LIN7A: variants seen among roughly 807,000 people sequenced by gnomAD.
LIN7A encodes the protein lin-7 cell polarity scaffold A.
Under a neutral mutation model 29.8 loss-of-function variants are expected in LIN7A, and 25 were observed. The ratio of observed to expected loss-of-function variants is 0.84; its 90% CI spans 0.61 to 1.17. The LOEUF (loss-of-function observed/expected upper bound fraction) is 1.17, where lower values mean the gene tolerates loss of function less well. Ranked by LOEUF, LIN7A falls within the 50% of genes most tolerant of loss-of-function variation. The pLI is 0.00. For synonymous variants in LIN7A, 118 were observed against 107.5 expected (o/e 1.10, Z -0.60); for missense variants, 239 against 287.0 (o/e 0.83, Z 1.21).
At chr12:80,822,819 G>T in intron 4 of LIN7A, among the ~76,000 whole-genome samples, 1 of 152,088 alleles carries the variant, frequency 6.6e-6, no homozygotes, top group South Asian at 2.1e-4. Flanking sequence ...ATGGTGGCAG[G>T]AGGCAGGCAG....
chr12:80,929,581 T>G (rs1457095235), intron 1 of LIN7A, among the ~76,000 whole-genome samples: 1 of 152,172 alleles, frequency 6.6e-6, no homozygotes, highest in Non-Finnish European at 1.5e-5. Flanking sequence ...CTGTGAGAGT[T>G]GTGGGGTCAT....
chr12:80,896,906 G>A (rs78541501), intron 1 of LIN7A, among the ~76,000 whole-genome samples: 1 of 152,156 alleles, frequency 6.6e-6, no homozygotes, highest in African/African-American at 2.4e-5. Flanking sequence ...ATTCTCTGGA[G>A]GTACTTATTT....
rs1870442862 is a variant in LIN7A, at chr12:80,796,226, G to C, written c.*1501C>G. 1 of 152,164 alleles carries C rather than the reference G, an allele frequency of 6.6e-6. No individual in the cohort carries two copies. The highest frequency in any genetic ancestry group is 6.5e-5 in the Admixed American group (1 of 15,272). The allele number at this position is 152,164 out of a possible 1,614,324, so 9.4% of individuals were successfully genotyped here. On this transcript the variant is annotated 3_prime_UTR_variant, in exon 6 of 6. Transcript: ENST00000552864. ...TCTTGGGGAATCAATTTCTGTATTT[G>C]AGAAAAGGGAACATTCAAATATTTG... is the stretch of plus-strand genomic sequence containing the variant.
At chr12:80,804,225 C>A (rs1400174404) in intron 5 of LIN7A, among the ~76,000 whole-genome samples, 2 of 152,032 alleles carry the variant, frequency 1.3e-5, no homozygotes, top group African/African-American at 4.8e-5. Flanking sequence ...TACAAACAAT[C>A]CAGTTGTACT....
chr12:80,863,433 G>A (rs1296848890), intron 2 of LIN7A, among the ~76,000 whole-genome samples: 1 of 152,212 alleles, frequency 6.6e-6, no homozygotes, highest in Non-Finnish European at 1.5e-5. Context: ...GAGAAAGAGA[G>A]CACATAATCA....
chr12:80,832,632 T>A lies in LIN7A; in HGVS notation c.483+13098A>T, dbSNP rs777094133. 65 of 460,972 alleles carry A rather than the reference T, an allele frequency of 1.4e-4. 1 individual carries two copies. The highest frequency in any genetic ancestry group is 2.7e-5 in the Non-Finnish European group (6 of 225,640). 28.6% of individuals were successfully genotyped at this position (460,972 alleles called of 1,614,324 possible). A position where few individuals can be genotyped will look rare whatever the true frequency, so the allele number is the denominator to read the frequency against. ...GGAAGTCTAGGCTCCTTATGATGGC[T>A]TATGGTAGCTTCCGTGACATGGCTC... is the stretch of plus-strand genomic sequence containing the variant. On this transcript the variant is annotated intron_variant, in intron 4 of 5. Coordinates refer to ENST00000552864, the MANE Select transcript of LIN7A (RefSeq NM_004664.4).
chr12:80,914,788 C>T (rs942928962), intron 1 of LIN7A, among the ~76,000 whole-genome samples: 4 of 152,136 alleles, frequency 2.6e-5, no homozygotes, highest in African/African-American at 9.7e-5. Context: ...TGCCTGTAAT[C>T]TCAGCATATT....
rs187585034 is a variant in LIN7A at position 80,883,762 on chromosome 12, G to A, written c.201+5489C>T. Reference sequence around the variant, plus strand: ...CTAAAAAATACAATTTTAGAGAAGGGAAAAATAGGTAGCCAAGTTGGGATT... The same window carrying A: ...CTAAAAAATACAATTTTAGAGAAGGAAAAAATAGGTAGCCAAGTTGGGATT... On this transcript the variant is annotated intron_variant, in intron 2 of 5. Transcript: ENST00000552864. 4.5e-3 allele frequency among the ~76,000 whole-genome samples: 687 copies of A among 152,280 alleles called. 3 individuals carry two copies. Among genetic ancestry groups the A allele is most frequent in the Middle Eastern group, 0.031 (9 of 294 alleles).
intron 5 of LIN7A, among the ~76,000 whole-genome samples, chr12:80,808,405 T>C (rs911695183): frequency 6.6e-6 from 1 of 152,246 alleles, no homozygotes; most frequent in African/African-American, 2.4e-5. Context: ...GGGCAAAAAC[T>C]TTGCATTATT....
Position 80,795,235 on chromosome 12 carries a change from T to G in LIN7A, c.*2492A>C, listed in dbSNP as rs1870392822. ...AAACTTAAGAGAACCACAGGTGGCT[T>G]AAGTCTTAGTGATGGCTACCTCTGA... On this transcript the variant is annotated 3_prime_UTR_variant, in exon 6 of 6. Coordinates refer to ENST00000552864, the MANE Select transcript of LIN7A (RefSeq NM_004664.4). 1 of 152,138 alleles carries G rather than the reference T, an allele frequency of 6.6e-6. No individual in the cohort carries two copies. The highest frequency in any genetic ancestry group is 2.4e-5 in the African/African-American group (1 of 41,448). The allele number at this position is 152,138 out of a possible 1,614,324, so 9.4% of individuals were successfully genotyped here.
chr12:80,815,666 GT>G, intron 4 of LIN7A, among the ~76,000 whole-genome samples: 1 of 152,130 alleles, frequency 6.6e-6, no homozygotes, highest in East Asian at 1.9e-4. Context: ...TGAGAAGGTG[GT>G]TCTTATATGA....
intron 4 of LIN7A, among the ~76,000 whole-genome samples, chr12:80,837,312 G>T (rs965077390): frequency 1.3e-5 from 2 of 152,052 alleles, no homozygotes; most frequent in Non-Finnish European, 2.9e-5. Context: ...AGAAAAAAAG[G>T]TCTTTTCAGA....
chr12:80,813,446 G>A (rs866255859), intron 4 of LIN7A, among the ~76,000 whole-genome samples: 5 of 152,108 alleles, frequency 3.3e-5, no homozygotes, highest in Admixed American at 6.5e-5. Context: ...GGGCACTATC[G>A]TTATGCATTG....
At chr12:80,852,418 C>G (rs2121549518) in intron 2 of LIN7A, among the ~76,000 whole-genome samples, 1 of 152,212 alleles carries the variant, frequency 6.6e-6, no homozygotes, top group East Asian at 1.9e-4. Flanking sequence ...CATTCTGGAT[C>G]TCTTTTCTAC....
intron 2 of LIN7A, among the ~76,000 whole-genome samples, chr12:80,856,901 C>T (rs1273354683): frequency 2.0e-5 from 3 of 152,156 alleles, no homozygotes; most frequent in East Asian, 1.9e-4. Context: ...GTGATGCAAA[C>T]GTGATACTTT....
At chr12:80,853,326 A>G (rs1428585242) in intron 2 of LIN7A, among the ~76,000 whole-genome samples, 1 of 128,756 alleles carries the variant, frequency 7.8e-6, no homozygotes, top group East Asian at 3.1e-4. Flanking sequence ...ATAGCCTAAA[A>G]TAATAGTTAA....
chr12:80,930,382 C>T (rs1877833113), intron 1 of LIN7A, among the ~76,000 whole-genome samples: 1 of 151,764 alleles, frequency 6.6e-6, no homozygotes, highest in Non-Finnish European at 1.5e-5. Flanking sequence ...TTGAATAAAC[C>T]AGAACTAAGG....
chr12:80,832,118 T>A (rs1268701550), intron 4 of LIN7A, among the ~76,000 whole-genome samples: 1 of 152,234 alleles, frequency 6.6e-6, no homozygotes, highest in Non-Finnish European at 1.5e-5. Flanking sequence ...CATATTTCTG[T>A]TCATGACATA....
chr12:80,851,562 G>A (rs1224611494), intron 2 of LIN7A, among the ~76,000 whole-genome samples: 1 of 151,950 alleles, frequency 6.6e-6, no homozygotes, highest in Non-Finnish European at 1.5e-5. Context: ...TACTTTTCAA[G>A]GACAATTTTT....
Sources: allele counts gnomAD v4.1 joint callset (sites outside exome capture counted in the v4.1 genomes callset), GRCh38; gene constraint gnomAD v4.1.1; transcripts MANE v1.5; gene names NCBI Gene and HGNC (gene_info 2026-07-23, HGNC 2026-07-21).